Variants in CDH18 observed in about 807,000 individuals in gnomAD.
CDH18 encodes cadherin 18.
Under a neutral mutation model 67.9 loss-of-function variants are expected in CDH18, and 31 were observed. That is an observed-to-expected ratio of 0.46 (90% CI 0.34 to 0.62). The LOEUF is 0.62. Ranked by LOEUF, CDH18 falls within the 20% of genes least tolerant of loss-of-function variation. CDH18 has a pLI of 0.01. For missense variants in CDH18, 890 were observed against 975.5 expected, an observed-to-expected ratio of 0.91 and a Z score of 1.17; for synonymous variants, 362 against 347.2, an observed-to-expected ratio of 1.04 and a Z score of -0.48.
chr5:20,107,136 A>G (rs1747017982), intron 2 of CDH18, among the ~76,000 whole-genome samples: 1 of 148,294 alleles, frequency 6.7e-6, no homozygotes, highest in Admixed American at 6.8e-5. Flanking sequence ...GCTGGAGTGC[A>G]GTGGCGAGAT....
At chr5:20,322,734 T>A (rs1477689822) in intron 1 of CDH18, among the ~76,000 whole-genome samples, 1 of 152,118 alleles carries the variant, frequency 6.6e-6, no homozygotes, top group Non-Finnish European at 1.5e-5. Flanking sequence ...AAGAAGACAA[T>A]GAATGACAAA....
intron 6 of CDH18, among the ~76,000 whole-genome samples, chr5:19,603,652 C>T (rs911958800): frequency 1.3e-5 from 2 of 151,308 alleles, no homozygotes; most frequent in African/African-American, 4.8e-5. Context: ...TGACCAAAAT[C>T]ACAAAAAGTG....
chr5:20,171,616 G>C (rs543600054), intron 2 of CDH18, among the ~76,000 whole-genome samples: 24 of 151,932 alleles, frequency 1.6e-4, no homozygotes, highest in Non-Finnish European at 1.6e-4. Context: ...GCTGGATTTA[G>C]TCCTTTTTCT....
chr5:19,579,627 G>T (rs2149977298), intron 7 of CDH18, among the ~76,000 whole-genome samples: 1 of 151,624 alleles, frequency 6.6e-6, no homozygotes, highest in Non-Finnish European at 1.5e-5. Context: ...TCTTAGTAAT[G>T]CTTATAGATC....
chr5:20,300,886 A>G (rs1747926858), intron 1 of CDH18, among the ~76,000 whole-genome samples: 1 of 152,232 alleles, frequency 6.6e-6, no homozygotes, highest in Admixed American at 6.5e-5. Context: ...CACAGAAAGA[A>G]TTAACTGTCC....
chr5:20,051,165 C>T lies in CDH18; in HGVS notation c.-517-59151G>A, dbSNP rs551454383. On this transcript the variant is annotated intron_variant, in intron 2 of 14. Coordinates refer to the CDH18 transcript ENST00000507958. ...CTTTTCTCATACAATAATAAAATTG[C>T]TATCCTATTTTGAAACTTAAAGCAT... Among the ~76,000 whole-genome samples the T allele has an allele frequency of 1.6e-4, 25 of 151,986 alleles. No homozygotes were observed. The East Asian group carries it at 4.2e-3, about 26-fold the overall frequency.
At chr5:20,318,120 A>G (rs72745049) in intron 1 of CDH18, among the ~76,000 whole-genome samples, 379 of 152,314 alleles carry the variant, frequency 2.5e-3, no homozygotes, top group Non-Finnish European at 4.4e-3. Context: ...TGTAACATCT[A>G]TTAGCACCTG....
At chr5:20,175,848 C>T (rs1054580624) in intron 2 of CDH18, among the ~76,000 whole-genome samples, 3 of 151,994 alleles carry the variant, frequency 2.0e-5, no homozygotes, top group South Asian at 4.2e-4. Flanking sequence ...CTTTCCCAGC[C>T]CACTGACTCA....
At chr5:20,229,332 A>C (rs1385138584) in intron 2 of CDH18, among the ~76,000 whole-genome samples, 5 of 152,090 alleles carry the variant, frequency 3.3e-5, no homozygotes, top group African/African-American at 1.2e-4. Context: ...AACTTCACCT[A>C]ACCAATTTAA....
At chr5:20,247,404 T>C (rs1340055250) in intron 2 of CDH18, among the ~76,000 whole-genome samples, 4 of 152,176 alleles carry the variant, frequency 2.6e-5, no homozygotes, top group Non-Finnish European at 4.4e-5. Context: ...CTTTCCTTGA[T>C]ATGGTTAGTT....
intron 1 of CDH18, among the ~76,000 whole-genome samples, chr5:20,432,045 G>A (rs1173866259): frequency 1.3e-5 from 2 of 151,998 alleles, no homozygotes; most frequent in African/African-American, 2.4e-5. Context: ...CTCAAACCTG[G>A]AACCATTAAA....
chr5:19,896,126 G>A (rs1478310835), intron 2 of CDH18, among the ~76,000 whole-genome samples: 1 of 152,116 alleles, frequency 6.6e-6, no homozygotes, highest in African/African-American at 2.4e-5. Context: ...GGAGGCCAAT[G>A]CGGGCAGATC....
At chr5:19,902,654 G>A (rs1387497350) in intron 2 of CDH18, among the ~76,000 whole-genome samples, 1 of 152,182 alleles carries the variant, frequency 6.6e-6, no homozygotes. Flanking sequence ...CCAGATTTCT[G>A]ACCCTCTGAA....
At chr5:19,856,094 A>T (rs1784248883) in intron 2 of CDH18, among the ~76,000 whole-genome samples, 1 of 152,230 alleles carries the variant, frequency 6.6e-6, no homozygotes. Context: ...ACATTTCTCA[A>T]AAGAAAGAGC....
chr5:19,576,761 C>T (rs968162949), intron 7 of CDH18, among the ~76,000 whole-genome samples: 1 of 152,134 alleles, frequency 6.6e-6, no homozygotes, highest in Non-Finnish European at 1.5e-5. Context: ...GAACTGACAT[C>T]AGTATCCCAA....
At chr5:19,790,885 G>A (rs1247158152) in intron 3 of CDH18, among the ~76,000 whole-genome samples, 3 of 152,110 alleles carry the variant, frequency 2.0e-5, no homozygotes, top group Admixed American at 6.6e-5. Flanking sequence ...ATGAGGAGCT[G>A]ACAAGACTCA....
At chr5:20,169,834 G>A (rs977660958) in intron 2 of CDH18, among the ~76,000 whole-genome samples, 6 of 151,800 alleles carry the variant, frequency 4.0e-5, no homozygotes, top group South Asian at 2.1e-4. Flanking sequence ...TTTTATATTC[G>A]GAAGAATTGG....
chr5:20,396,696 A>G (rs1745311028), intron 1 of CDH18, among the ~76,000 whole-genome samples: 1 of 152,128 alleles, frequency 6.6e-6, no homozygotes. Context: ...TAGATGCACT[A>G]AATTTTCTAT....
chr5:19,530,469 C>CA (rs1189632252), intron 9 of CDH18, among the ~76,000 whole-genome samples: 3 of 152,044 alleles, frequency 2.0e-5, no homozygotes, highest in African/African-American at 7.2e-5. Flanking sequence ...TTTTAGTGTA[C>CA]ATGTGCACAA....
Sources: allele counts gnomAD v4.1 joint callset (sites outside exome capture counted in the v4.1 genomes callset), GRCh38; gene constraint gnomAD v4.1.1; transcripts MANE v1.5; gene names NCBI Gene and HGNC (gene_info 2026-07-23, HGNC 2026-07-21).